RAD23B: variants seen among roughly 807,000 people sequenced by gnomAD.
RAD23B encodes the protein RAD23 nucleotide excision repair protein B, also known as lysine-specific demethylase RAD23B.
In RAD23B, 5 loss-of-function variants were observed where a neutral mutation model predicts 49.1. The ratio of observed to expected loss-of-function variants is 0.10; its 90% CI spans 0.05 to 0.21. The LOEUF (loss-of-function observed/expected upper bound fraction) is 0.21. RAD23B is among the 10% of genes least tolerant of loss of function. The pLI, the probability that RAD23B is intolerant of heterozygous loss-of-function variation, is 1.00. For synonymous variants in RAD23B, 184 were observed against 165.4 expected (o/e 1.11, Z -0.86); for missense variants, 356 against 486.7 (o/e 0.73, Z 2.53).
Position 107,322,030 on chromosome 9 carries a change from A to G in RAD23B, c.729A>G (p.Gln243=). 1.2e-6 allele frequency: 2 copies of G among 1,613,434 alleles called. No individual in the cohort carries two copies. The highest frequency in any genetic ancestry group is 1.1e-5 in the South Asian group (1 of 90,948). The stretch of plus-strand genomic sequence containing the variant: ...GTCAGGCTGTGGTTGACCCCCCTCA[A>G]GCAGCTAGTACTGGGGCTCCTCAGT... The part of the protein sequence containing the change: ...RESQAVVDPP[Q]AASTGAPQSS... Residue 243 remains glutamine (Q), a synonymous_variant, in exon 7 of 10, where the codon CAA becomes CAG. Coordinates refer to ENST00000358015, the MANE Select transcript of RAD23B (RefSeq NM_002874.5).
intron 6 of RAD23B, among the ~76,000 whole-genome samples, chr9:107,321,651 A>G (rs1587862844): frequency 6.6e-6 from 1 of 152,184 alleles, no homozygotes; most frequent in African/African-American, 2.4e-5. Flanking sequence ...TACATGTATC[A>G]ATATTTTTCA....
chr9:107,312,195 A>G (rs1428121254), intron 5 of RAD23B, among the ~76,000 whole-genome samples: 1 of 152,156 alleles, frequency 6.6e-6, no homozygotes, highest in African/African-American at 2.4e-5. Context: ...TTTTATCCCA[A>G]CTTTTAATTT....
chr9:107,307,705 G>A (rs937350643), intron 4 of RAD23B, among the ~76,000 whole-genome samples: 1 of 152,216 alleles, frequency 6.6e-6, no homozygotes, highest in Non-Finnish European at 1.5e-5. Context: ...TGTGGTTTCT[G>A]TGTCTGACTT....
intron 6 of RAD23B, among the ~76,000 whole-genome samples, chr9:107,319,841 T>C (rs1477507359): frequency 6.6e-6 from 1 of 152,228 alleles, no homozygotes; most frequent in Non-Finnish European, 1.5e-5. Context: ...GAAAGTCTGC[T>C]AGTTTTACAG....
At chr9:107,301,920 T>G in intron 2 of RAD23B, 115 bp from the exon 3 acceptor site, 1 of 1,368,440 alleles carries the variant, frequency 7.3e-7, no homozygotes, top group Non-Finnish European at 9.9e-7. Flanking sequence ...TTTATGTTGG[T>G]GATTCATATT....
intron 2 of RAD23B, among the ~76,000 whole-genome samples, chr9:107,301,670 T>C (rs1826657081): frequency 6.6e-6 from 1 of 152,130 alleles, no homozygotes. Context: ...CCCAAGTAGC[T>C]AGGACCATAG....
chr9:107,308,079 G>A (rs1040547775), intron 4 of RAD23B, among the ~76,000 whole-genome samples: 5 of 151,756 alleles, frequency 3.3e-5, no homozygotes, highest in African/African-American at 1.2e-4. Context: ...TCTTAAGTCA[G>A]CACAATACAT....
chr9:107,294,878 G>A (rs551012074), intron 1 of RAD23B, among the ~76,000 whole-genome samples: 38 of 152,212 alleles, frequency 2.5e-4, no homozygotes, highest in African/African-American at 8.7e-4. Flanking sequence ...GGAGGATTTC[G>A]TGAAGCAGTG....
rs1564255807 is a variant in RAD23B, at chr9:107,331,637, C to A, written c.*1981C>A. On this transcript the variant is annotated 3_prime_UTR_variant, in exon 10 of 10. Transcript: ENST00000358015. Reference sequence around the variant, plus strand: ...TTCTGATCGGATAATGGAATACTCTCATTTATTTTATGACATTCTCTGTCT... The same window carrying A: ...TTCTGATCGGATAATGGAATACTCTAATTTATTTTATGACATTCTCTGTCT... 7.8e-6 allele frequency: 6 copies of A among 767,156 alleles called. No individual in the cohort carries two copies. Among genetic ancestry groups the A allele is most frequent in the Admixed American group, 3.5e-5 (2 of 56,790 alleles). 47.5% of individuals were successfully genotyped at this position (767,156 alleles called of 1,614,324 possible).
At chr9:107,284,827 T>G in intron 1 of RAD23B, 1 of 1,220,724 alleles carries the variant, frequency 8.2e-7, no homozygotes, top group Non-Finnish European at 1.1e-6. Context: ...GTAACTTATT[T>G]GCTATGACCT....
chr9:107,293,977 G>A (rs1198534176), intron 1 of RAD23B, among the ~76,000 whole-genome samples: 2 of 152,112 alleles, frequency 1.3e-5, no homozygotes, highest in Non-Finnish European at 2.9e-5. Flanking sequence ...TGGAGATGGT[G>A]GCTCACTATG....
intron 6 of RAD23B, among the ~76,000 whole-genome samples, chr9:107,319,247 C>G (rs1827062308): frequency 6.6e-6 from 1 of 150,498 alleles, no homozygotes; most frequent in Non-Finnish European, 1.5e-5. Flanking sequence ...TCTCCTGCCT[C>G]AGCCTCCTAA....
intron 1 of RAD23B, 35 bp downstream of exon 1, chr9:107,283,730 T>TGC (rs1488871903): frequency 7.7e-7 from 1 of 1,305,850 alleles, no homozygotes; most frequent in African/African-American, 1.5e-5. Flanking sequence ...GGCAGCCGCG[T>TGC]GCGGGCCGCG....
At chr9:107,283,809 G>A in intron 1 of RAD23B, 114 bp downstream of exon 1, 1 of 1,041,634 alleles carries the variant, frequency 9.6e-7, no homozygotes, top group African/African-American at 1.7e-5. Flanking sequence ...GGCGCGATGA[G>A]GGCCCTGGGT....
chr9:107,306,373 G>A lies in RAD23B; in HGVS notation c.229-6G>A. The A allele has an allele frequency of 6.2e-7, 1 of 1,610,786 alleles. No individual in the cohort carries two copies. The highest frequency in any genetic ancestry group is 8.5e-7 in the Non-Finnish European group (1 of 1,177,454). ...TTGTAATTATTTTGTCTTTTAATGTGTTTAGCCCAAAGCAGTGTCCACACC... is the reference window on the plus strand; with the variant it reads ...TTGTAATTATTTTGTCTTTTAATGTATTTAGCCCAAAGCAGTGTCCACACC... On this transcript the variant is annotated splice_polypyrimidine_tract_variant and splice_region_variant and intron_variant, in intron 3 of 9. Transcript: ENST00000358015.
At chr9:107,302,698 C>T (rs1373054771) in intron 3 of RAD23B, among the ~76,000 whole-genome samples, 1 of 151,326 alleles carries the variant, frequency 6.6e-6, no homozygotes, top group Admixed American at 6.6e-5. Flanking sequence ...CTCTGTTGCC[C>T]AGGCTGGAGC....
At chr9:107,303,057 AT>A (rs1826690594) in intron 3 of RAD23B, among the ~76,000 whole-genome samples, 1 of 152,134 alleles carries the variant, frequency 6.6e-6, no homozygotes, top group Non-Finnish European at 1.5e-5. Context: ...ATGAACATGG[AT>A]TTTTTTAAGA....
chr9:107,327,531 G>A (rs917129783), intron 9 of RAD23B, among the ~76,000 whole-genome samples: 8 of 151,876 alleles, frequency 5.3e-5, no homozygotes, highest in African/African-American at 1.2e-4. Flanking sequence ...TAATTCATTC[G>A]TTATTTAGGA....
At chr9:107,315,048 C>T (rs1255684964) in intron 5 of RAD23B, among the ~76,000 whole-genome samples, 5 of 152,106 alleles carry the variant, frequency 3.3e-5, no homozygotes, top group Non-Finnish European at 7.4e-5. Flanking sequence ...GTTAGATTGC[C>T]TAAGCCAGTG....
Sources: gnomAD v4.1 joint callset for allele counts (sites outside exome capture counted in the v4.1 genomes callset) on GRCh38, gnomAD v4.1.1 for gene constraint, MANE v1.5 for transcripts, NCBI Gene and HGNC (gene_info 2026-07-23, HGNC 2026-07-21) for gene names.